Variants in ABLIM2 observed in about 807,000 individuals in gnomAD.
ABLIM2 encodes actin binding LIM protein family member 2.
A neutral mutation model predicts 97.7 loss-of-function variants in ABLIM2; 53 were observed. The ratio of observed to expected loss-of-function variants is 0.54; its 90% CI spans 0.44 to 0.68. The LOEUF (loss-of-function observed/expected upper bound fraction) is 0.68. ABLIM2 is among the 30% of genes least tolerant of loss of function. ABLIM2 has a pLI of 0.00. For synonymous variants in ABLIM2, 361 were observed against 345.8 expected (o/e 1.04, Z -0.49); for missense variants, 835 against 867.2 (o/e 0.96, Z 0.47).
rs570760925 is a variant in ABLIM2, at chr4:7,979,778, C to T, written c.1824+3486G>A. ...GTCAGCAGCCCTGTTAGCCCAGGCACGGGCCTATGGCTGAGCCTGGCCAAT... is the reference window on the plus strand; with the variant it reads ...GTCAGCAGCCCTGTTAGCCCAGGCATGGGCCTATGGCTGAGCCTGGCCAAT... On this transcript the variant is annotated intron_variant, in intron 20 of 20. Coordinates refer to ENST00000447017, the MANE Select transcript of ABLIM2 (RefSeq NM_001130083.2). 1.1e-4 allele frequency among the ~76,000 whole-genome samples: 16 copies of T among 152,300 alleles called. No homozygotes were observed. The East Asian group carries it at 2.5e-3, about 24-fold the overall frequency.
chr4:8,127,620 G>A lies in ABLIM2; in HGVS notation c.11-20983C>T, dbSNP rs747431291. 7.0e-6 allele frequency: 9 copies of A among 1,289,016 alleles called. No individual in the cohort carries two copies. Among genetic ancestry groups the A allele is most frequent in the Middle Eastern group, 2.1e-4 (1 of 4,714 alleles). The allele number at this position is 1,289,016 out of a possible 1,614,324, so 79.8% of individuals were successfully genotyped here. ...CCAGCGGGTCGGCGGCTCTCCCTCT[G>A]CGTGGCTGGGCCTGGCACCCACGGA... On this transcript the variant is annotated intron_variant, in intron 1 of 20. Coordinates refer to ENST00000447017, the MANE Select transcript of ABLIM2 (RefSeq NM_001130083.2). This position sits in a 1 kb window ranked among gnomAD's most constrained non-coding sequence, Gnocchi z 7.3.
intron 4 of ABLIM2, among the ~76,000 whole-genome samples, chr4:8,084,462 T>G (rs141505855): frequency 5.9e-5 from 9 of 152,266 alleles, no homozygotes; most frequent in Non-Finnish European, 1.3e-4. Context: ...CCCACCCTCT[T>G]AGCACTACCC....
chr4:7,970,373 C>T lies in ABLIM2; in HGVS notation c.1825-3270G>A, dbSNP rs960810632. Among the ~76,000 whole-genome samples, 1 of 151,916 alleles carries T rather than the reference C, an allele frequency of 6.6e-6. No individual in the cohort carries two copies. Among genetic ancestry groups the T allele is most frequent in the Non-Finnish European group, 1.5e-5 (1 of 67,976 alleles). On this transcript the variant is annotated intron_variant, in intron 20 of 20. Coordinates refer to ENST00000447017, the MANE Select transcript of ABLIM2 (RefSeq NM_001130083.2). This position sits in a 1 kb window ranked among gnomAD's most constrained non-coding sequence, Gnocchi z 5.3. ...GGGAAGGTGTCAAGGGGGTGGTGTGCCCCCTGCCATCTGCAATCGTGTACT... is the reference window on the plus strand; with the variant it reads ...GGGAAGGTGTCAAGGGGGTGGTGTGTCCCCTGCCATCTGCAATCGTGTACT...
intron 1 of ABLIM2, among the ~76,000 whole-genome samples, chr4:8,116,651 T>C (rs1178172698): frequency 1.3e-5 from 2 of 152,218 alleles, no homozygotes; most frequent in African/African-American, 4.8e-5. Context: ...TAGAAAGTGT[T>C]ACAAAATCCT....
In ABLIM2 at chr4:7,987,693, T is replaced by C. The variant is rs1314529328; in HGVS notation, c.1681-2800A>G. ...ACCAGCTTCCTTTGGTATTCCAGGATCTGAGATAAGGTGGAGACTCTAGGA... is the reference window on the plus strand; with the variant it reads ...ACCAGCTTCCTTTGGTATTCCAGGACCTGAGATAAGGTGGAGACTCTAGGA... On this transcript the variant is annotated intron_variant, in intron 17 of 20. Coordinates refer to ENST00000447017, the MANE Select transcript of ABLIM2 (RefSeq NM_001130083.2). Among the ~76,000 whole-genome samples the C allele has an allele frequency of 1.3e-5, 2 of 152,158 alleles. 1 individual carries two copies. The highest frequency in any genetic ancestry group is 2.9e-5 in the Non-Finnish European group (2 of 68,028).
chr4:8,106,449 G>A (rs1362937162), intron 2 of ABLIM2, 45 bp downstream of exon 2: 2 of 1,565,674 alleles, frequency 1.3e-6, no homozygotes, highest in Non-Finnish European at 1.7e-6. Context: ...GCCGCTGGGA[G>A]GCCCGTTTCA....
chr4:8,075,192 A>C lies in ABLIM2; in HGVS notation c.675+2436T>G, dbSNP rs970188862. ...ATGTGAAAGAAGCCGGTCATGAAAGACTACATATTTCATGATTCCATTCAT... is the reference window on the plus strand; with the variant it reads ...ATGTGAAAGAAGCCGGTCATGAAAGCCTACATATTTCATGATTCCATTCAT... On this transcript the variant is annotated intron_variant, in intron 6 of 20. Transcript: ENST00000447017. The surrounding 1 kb of genome is among the most constrained non-coding windows in gnomAD (Gnocchi z 4.4). 6.6e-6 allele frequency among the ~76,000 whole-genome samples: 1 copy of C among 152,218 alleles called. No homozygotes were observed. Among genetic ancestry groups the C allele is most frequent in the African/African-American group, 2.4e-5 (1 of 41,450 alleles).
intron 8 of ABLIM2, among the ~76,000 whole-genome samples, chr4:8,047,416 A>G (rs1186630247): frequency 6.7e-6 from 1 of 149,262 alleles, no homozygotes; most frequent in Non-Finnish European, 1.5e-5. Context: ...TTCCTCCTCT[A>G]TGAGGCCTGC....
intron 14 of ABLIM2, chr4:8,010,599 A>C: frequency 1.0e-6 from 1 of 982,098 alleles, no homozygotes. Flanking sequence ...CGTTCCGAAT[A>C]CACTAACATC....
In ABLIM2 at chr4:8,082,651, C is replaced by G. The variant is rs1820679760; in HGVS notation, c.455-1849G>C. Reference sequence around the variant, plus strand: ...GCTACTTTGGAAAACAGCCAGAGAGCAGATTCAAACTCTGAGGGAAAGGGG... The same window carrying G: ...GCTACTTTGGAAAACAGCCAGAGAGGAGATTCAAACTCTGAGGGAAAGGGG... On this transcript the variant is annotated intron_variant, in intron 4 of 20. Coordinates refer to ENST00000447017, the MANE Select transcript of ABLIM2 (RefSeq NM_001130083.2). This position sits in a 1 kb window ranked among gnomAD's most constrained non-coding sequence, Gnocchi z 5.6. Among the ~76,000 whole-genome samples, 1 of 152,226 alleles carries G rather than the reference C, an allele frequency of 6.6e-6. No individual in the cohort carries two copies. The highest frequency in any genetic ancestry group is 1.5e-5 in the Non-Finnish European group (1 of 68,040).
intron 19 of ABLIM2, 79 bp from the exon 20 acceptor site, chr4:7,983,423 G>T (rs1334781825): frequency 3.2e-6 from 5 of 1,577,334 alleles, no homozygotes; most frequent in African/African-American, 1.3e-5. Flanking sequence ...GAAGGTCACC[G>T]AGAATACATA....
In ABLIM2 at chr4:8,029,754, T is replaced by C; in HGVS notation, c.1070A>G (p.Tyr357Cys). 1 of 1,567,328 alleles carries C rather than the reference T, an allele frequency of 6.4e-7. No homozygotes were observed. The highest frequency in any genetic ancestry group is 8.6e-7 in the Non-Finnish European group (1 of 1,156,438). ...YGEGDQDDRS[Y>C]KQCRTSSPSS... ...TGGGCTGGAGGTCCGACACTGCTTGTAGGACCGGTCATCCTGATCCCCCTG... is the reference window on the plus strand; with the variant it reads ...TGGGCTGGAGGTCCGACACTGCTTGCAGGACCGGTCATCCTGATCCCCCTG... Residue 357 changes from tyrosine to cysteine, a missense_variant, in exon 11 of 21, where the codon TAC becomes TGC. Physicochemically the swap from Tyr to Cys is radical, Grantham distance 194. Transcript: ENST00000447017.
intron 1 of ABLIM2, among the ~76,000 whole-genome samples, chr4:8,143,954 G>C (rs1004437351): frequency 6.2e-4 from 94 of 152,274 alleles, no homozygotes; most frequent in African/African-American, 2.0e-3. Context: ...GGTCCTCACC[G>C]AGGAAACTGG....
chr4:8,116,172 C>T (rs1842692694), intron 1 of ABLIM2, among the ~76,000 whole-genome samples: 1 of 152,226 alleles, frequency 6.6e-6, no homozygotes, highest in African/African-American at 2.4e-5. Context: ...GTGAATGTAA[C>T]AGGATGTTTG....
In ABLIM2 at chr4:8,043,770, C is replaced by T. The variant is rs1790274764; in HGVS notation, c.900+1394G>A. On this transcript the variant is annotated intron_variant, in intron 9 of 20. Coordinates refer to ENST00000447017, the MANE Select transcript of ABLIM2 (RefSeq NM_001130083.2). This position sits in a 1 kb window ranked among gnomAD's most constrained non-coding sequence, Gnocchi z 4.8. ...CAGATGATGGTAACAGTAACGGCAG[C>T]AAGCGTTTCCCACAGCCTTCTTCTG... 6.6e-6 allele frequency among the ~76,000 whole-genome samples: 1 copy of T among 152,232 alleles called. No individual in the cohort carries two copies. Among genetic ancestry groups the T allele is most frequent in the South Asian group, 2.1e-4 (1 of 4,830 alleles).
chr4:8,133,990 G>A (rs1272549239), intron 1 of ABLIM2, among the ~76,000 whole-genome samples: 1 of 152,190 alleles, frequency 6.6e-6, no homozygotes, highest in Non-Finnish European at 1.5e-5. Context: ...GGTTGCAGGG[G>A]GGGGTGACGA....
chr4:8,097,445 C>A (rs964486924), intron 2 of ABLIM2, among the ~76,000 whole-genome samples, 163 bp from the exon 3 acceptor site: 5 of 152,218 alleles, frequency 3.3e-5, no homozygotes, highest in Admixed American at 2.0e-4. Context: ...GCGGGCCGGG[C>A]TCCTGGGACA....
intron 6 of ABLIM2, 89 bp downstream of exon 6, chr4:8,077,539 A>G: frequency 7.9e-7 from 1 of 1,263,812 alleles, no homozygotes; most frequent in Non-Finnish European, 1.1e-6. Context: ...AGATTCTTGC[A>G]CAAACACACA....
intron 7 of ABLIM2, among the ~76,000 whole-genome samples, chr4:8,060,266 C>A (rs998450156): frequency 6.6e-6 from 1 of 152,132 alleles, no homozygotes; most frequent in African/African-American, 2.4e-5. Flanking sequence ...AAGGGTTAAT[C>A]TGGGAGGAGG....
Sources: gnomAD v4.1 joint callset for allele counts (sites outside exome capture counted in the v4.1 genomes callset) on GRCh38, gnomAD v4.1.1 for gene constraint, Gnocchi (gnomAD v3.1) non-coding constraint, MANE v1.5 for transcripts, NCBI Gene and HGNC (gene_info 2026-07-23, HGNC 2026-07-21) for gene names.